Variants in CNNM1 observed in about 807,000 individuals in gnomAD.
CNNM1 encodes the protein metal transporter CNNM1.
Under a neutral mutation model 78.8 loss-of-function variants are expected in CNNM1, and 44 were observed. That is an observed-to-expected ratio of 0.56 (90% CI 0.44 to 0.72). The LOEUF is 0.72. CNNM1 is among the 30% of genes least tolerant of loss of function. CNNM1 has a pLI of 0.00. For missense variants in CNNM1, 1,101 were observed against 1,292.2 expected (o/e 0.85, Z 2.27); for synonymous variants, 584 against 581.5 (o/e 1.00, Z -0.06).
At chr10:99,368,136 C>T (rs2031684793) in intron 6 of CNNM1, among the ~76,000 whole-genome samples, 2 of 152,204 alleles carry the variant, frequency 1.3e-5, no homozygotes, top group African/African-American at 4.8e-5. Context: ...GAGTCTGAGG[C>T]AGGATCTAGC....
chr10:99,331,080 A>C (rs1424859517), intron 1 of CNNM1, 120 bp downstream of exon 1: 1 of 981,028 alleles, frequency 1.0e-6, no homozygotes, highest in Non-Finnish European at 1.5e-6. Flanking sequence ...TAAAAACCCA[A>C]GGAAGACTCT....
intron 1 of CNNM1, among the ~76,000 whole-genome samples, chr10:99,350,120 T>C (rs951377176): frequency 3.3e-5 from 5 of 152,144 alleles, no homozygotes; most frequent in African/African-American, 1.2e-4. Flanking sequence ...GCCCAGGTAG[T>C]GTTCATGCTG....
chr10:99,390,262 T>C (rs762509425), intron 9 of CNNM1, 44 bp from the exon 10 acceptor site: 19 of 1,367,320 alleles, frequency 1.4e-5, no homozygotes, highest in African/African-American at 1.1e-4. Flanking sequence ...GATGCCTGAG[T>C]GTGTAGGTTG....
At chr10:99,331,828 C>T (rs1288898025) in intron 1 of CNNM1, among the ~76,000 whole-genome samples, 1 of 152,096 alleles carries the variant, frequency 6.6e-6, no homozygotes, top group Non-Finnish European at 1.5e-5. Context: ...TAGATCTGGA[C>T]CTGAAGAAAT....
At chr10:99,341,691 G>C (rs1311050252) in intron 1 of CNNM1, among the ~76,000 whole-genome samples, 1 of 152,120 alleles carries the variant, frequency 6.6e-6, no homozygotes, top group Non-Finnish European at 1.5e-5. Context: ...AGGCAGAGAG[G>C]GAGCCGACAC....
At chr10:99,376,651 G>C (rs1012202899) in intron 6 of CNNM1, among the ~76,000 whole-genome samples, 1 of 152,210 alleles carries the variant, frequency 6.6e-6, no homozygotes, top group African/African-American at 2.4e-5. Context: ...AGCCATGCTT[G>C]TAGTACTGCC....
At chr10:99,342,725 C>T (rs1431363586) in intron 1 of CNNM1, among the ~76,000 whole-genome samples, 1 of 151,926 alleles carries the variant, frequency 6.6e-6, no homozygotes, top group Admixed American at 6.6e-5. Flanking sequence ...AGCTGTTTCT[C>T]ATCTCATTCC....
Position 99,364,511 on chromosome 10 carries a change from G to C in CNNM1, c.2123G>C (p.Cys708Ser). 6.2e-7 allele frequency: 1 copy of C among 1,608,740 alleles called. No individual in the cohort carries two copies. The highest frequency in any genetic ancestry group is 1.1e-5 in the South Asian group (1 of 89,766). ...GTCCCAGCCATCATGACCACTGCTT[G>C]CTCAGGTATTCTAGTTTCCATTTGT... Reference protein sequence around the residue: ...YGVPAIMTTACSDNDVRKVGS... With the variant: ...YGVPAIMTTASSDNDVRKVGS... Residue 708 changes from cysteine to serine, a missense_variant, in exon 5 of 11, where the codon TGC becomes TCC. By Grantham distance (112) the Cys-to-Ser change is moderately radical (BLOSUM62 -1). Around this residue, in one of 3 missense-constraint regions of CNNM1, gnomAD observed 348 missense variants for 384.5 expected, o/e 0.90. Coordinates refer to ENST00000356713, the MANE Select transcript of CNNM1 (RefSeq NM_020348.3).
At chr10:99,381,489 C>T (rs1185051622) in intron 7 of CNNM1, among the ~76,000 whole-genome samples, 1 of 151,858 alleles carries the variant, frequency 6.6e-6, no homozygotes, top group African/African-American at 2.4e-5. Context: ...CACCTGTAAT[C>T]CCAGCACTTT....
At position 99,362,319 on chromosome 10, in the gene CNNM1, G is replaced by A; in HGVS notation, c.1951G>A (p.Glu651Lys). 1 of 1,614,016 alleles carries A rather than the reference G, an allele frequency of 6.2e-7. No homozygotes were observed. The highest frequency in any genetic ancestry group is 1.7e-5 in the Admixed American group (1 of 60,026). Residue 651 changes from glutamate to lysine, a missense_variant, in exon 4 of 11, where the codon GAG becomes AAG. By Grantham distance (56) the Glu-to-Lys change is moderately conservative. Transcript: ENST00000356713. ...PNVIQELKFD[E>K]KNKKAPEHYL... ...CGTGATCCAGGAGCTGAAGTTTGATGAGAAGAACAAGAAGGCCCCGGAACA... is the reference window on the plus strand; with the variant it reads ...CGTGATCCAGGAGCTGAAGTTTGATAAGAAGAACAAGAAGGCCCCGGAACA...
At chr10:99,336,173 G>C (rs564986495) in intron 1 of CNNM1, among the ~76,000 whole-genome samples, 1 of 152,164 alleles carries the variant, frequency 6.6e-6, no homozygotes, top group Non-Finnish European at 1.5e-5. Flanking sequence ...GATTACATTG[G>C]AGCTGGAAAA....
chr10:99,344,102 G>A lies in CNNM1; in HGVS notation c.1573+13142G>A, dbSNP rs184820538. ...AATCCCAGCACTTTGGGAGGCCAAAGTGGGCGGATCACCTGAGGTCAGGCG... is the reference window on the plus strand; with the variant it reads ...AATCCCAGCACTTTGGGAGGCCAAAATGGGCGGATCACCTGAGGTCAGGCG... On this transcript the variant is annotated intron_variant, in intron 1 of 10. Coordinates refer to ENST00000356713, the MANE Select transcript of CNNM1 (RefSeq NM_020348.3). 2.2e-4 allele frequency among the ~76,000 whole-genome samples: 33 copies of A among 151,282 alleles called. No individual in the cohort carries two copies. The East Asian group carries it at 6.6e-3, about 30-fold the overall frequency.
At chr10:99,371,219 G>A (rs896512181) in intron 6 of CNNM1, among the ~76,000 whole-genome samples, 2 of 152,150 alleles carry the variant, frequency 1.3e-5, no homozygotes, top group African/African-American at 2.4e-5. Context: ...TTATCCATAG[G>A]GAGTCTCTTT....
Position 99,354,071 on chromosome 10 carries a change from A to G in CNNM1, c.1574-3441A>G, listed in dbSNP as rs537907616. ...ATTCTAGGGTTCACATTACCAAAAA[A>G]TATCCAATTATAGGAAGCAATTTTA... On this transcript the variant is annotated intron_variant, in intron 1 of 10. Transcript: ENST00000356713. Among the ~76,000 whole-genome samples, 9 of 152,360 alleles carry G rather than the reference A, an allele frequency of 5.9e-5. No homozygotes were observed. The East Asian group carries it at 1.5e-3, about 26-fold the overall frequency.
intron 1 of CNNM1, among the ~76,000 whole-genome samples, chr10:99,357,169 T>C (rs1258490657): frequency 2.0e-5 from 3 of 152,208 alleles, no homozygotes; most frequent in African/African-American, 7.2e-5. Context: ...AGAATGACTT[T>C]TACCATAATT....
intron 6 of CNNM1, among the ~76,000 whole-genome samples, chr10:99,376,101 G>T (rs796776476): frequency 5.9e-5 from 9 of 152,316 alleles, no homozygotes; most frequent in African/African-American, 2.2e-4. Flanking sequence ...GCAAGACGGG[G>T]CCCAGCCCTA....
At chr10:99,368,812 T>G (rs1337138226) in intron 6 of CNNM1, 1 of 505,174 alleles carries the variant, frequency 2.0e-6, no homozygotes, top group South Asian at 1.7e-5. Context: ...CATAGCACTT[T>G]GCACAAATAG....
chr10:99,355,057 T>C (rs1441777255), intron 1 of CNNM1, among the ~76,000 whole-genome samples: 2 of 152,224 alleles, frequency 1.3e-5, no homozygotes, highest in Non-Finnish European at 2.9e-5. Context: ...GGTAGCTATC[T>C]TATGATTTCA....
chr10:99,389,713 A>G (rs186643236), intron 9 of CNNM1, among the ~76,000 whole-genome samples: 43 of 152,342 alleles, frequency 2.8e-4, no homozygotes, highest in Admixed American at 2.8e-3. Flanking sequence ...GCTCAAGTCC[A>G]AAAACTGCAT....
Sources: allele counts gnomAD v4.1 joint callset (sites outside exome capture counted in the v4.1 genomes callset), GRCh38; gene constraint gnomAD v4.1.1; regional missense constraint gnomAD v4.1.1; transcripts MANE v1.5; gene names NCBI Gene and HGNC (gene_info 2026-07-23, HGNC 2026-07-21).